The following DAPL1 variants were observed in gnomAD, a reference collection of about 807,000 sequenced individuals.
The protein encoded by DAPL1 is death-associated protein-like 1.
Under a neutral mutation model 12.9 loss-of-function variants are expected in DAPL1, and 17 were observed. The observed-to-expected ratio is 1.32, with a 90% CI of 0.90 to 1.98. The LOEUF (loss-of-function observed/expected upper bound fraction) is 1.98, where lower values mean the gene tolerates loss of function less well. DAPL1 is among the 30% of genes most tolerant of loss of function. The pLI is 0.00. For synonymous variants in DAPL1, 51 were observed against 42.0 expected, an observed-to-expected ratio of 1.21 and a Z score of -0.82; for missense variants, 157 against 125.7, an observed-to-expected ratio of 1.25 and a Z score of -1.19.
intron 1 of DAPL1, among the ~76,000 whole-genome samples, chr2:158,796,188 C>A (rs1403411632): frequency 6.6e-6 from 1 of 152,188 alleles, no homozygotes; most frequent in Non-Finnish European, 1.5e-5. Context: ...ATTCTTCCAA[C>A]TGCCTTCCTT....
intron 1 of DAPL1, among the ~76,000 whole-genome samples, chr2:158,800,412 G>A (rs2059160935): frequency 6.6e-6 from 1 of 152,018 alleles, no homozygotes; most frequent in African/African-American, 2.4e-5. Flanking sequence ...CTCACCTCTG[G>A]AACCACATAA....
intron 3 of DAPL1, among the ~76,000 whole-genome samples, chr2:158,814,208 G>A (rs1445868257): frequency 1.3e-5 from 2 of 152,046 alleles, no homozygotes; most frequent in African/African-American, 2.4e-5. Flanking sequence ...AATGTTGAAA[G>A]AAAACCAAAG....
At chr2:158,813,167 G>A (rs989137821) in intron 3 of DAPL1, among the ~76,000 whole-genome samples, 1 of 152,170 alleles carries the variant, frequency 6.6e-6, no homozygotes, top group Non-Finnish European at 1.5e-5. Flanking sequence ...ACCTATGGGA[G>A]GTACCCAAAG....
chr2:158,797,454 A>C (rs2059140277), intron 1 of DAPL1, among the ~76,000 whole-genome samples: 1 of 152,162 alleles, frequency 6.6e-6, no homozygotes, highest in Admixed American at 6.5e-5. Flanking sequence ...AACAGAAAGA[A>C]ACTGCAATGG....
At chr2:158,797,282 A>T (rs2059139726) in intron 1 of DAPL1, among the ~76,000 whole-genome samples, 1 of 152,148 alleles carries the variant, frequency 6.6e-6, no homozygotes, top group Non-Finnish European at 1.5e-5. Context: ...AGTTTGTTGT[A>T]ATGATTAAAA....
At chr2:158,813,375 A>C (rs756777935) in intron 3 of DAPL1, among the ~76,000 whole-genome samples, 122 of 152,192 alleles carry the variant, frequency 8.0e-4, no homozygotes, top group Admixed American at 1.4e-3. Context: ...ACACACTTTA[A>C]AATGGTTAAA....
At chr2:158,803,661 T>G (rs913673222) in intron 1 of DAPL1, among the ~76,000 whole-genome samples, 1 of 152,244 alleles carries the variant, frequency 6.6e-6, no homozygotes, top group African/African-American at 2.4e-5. Context: ...ATTGATCACT[T>G]GAATGGCAGG....
chr2:158,810,833 T>C (rs1267630067), intron 3 of DAPL1, among the ~76,000 whole-genome samples: 1 of 152,218 alleles, frequency 6.6e-6, no homozygotes, highest in African/African-American at 2.4e-5. Context: ...AAAAGCTCTT[T>C]AGGCTAGAAA....
At chr2:158,815,117 A>C (rs2059253068) in intron 3 of DAPL1, among the ~76,000 whole-genome samples, 1 of 152,362 alleles carries the variant, frequency 6.6e-6, no homozygotes, top group African/African-American at 2.4e-5. Context: ...TCTGTGGAGA[A>C]GACTAATCAG....
At chr2:158,802,451 C>T (rs2059173387) in intron 1 of DAPL1, among the ~76,000 whole-genome samples, 1 of 152,164 alleles carries the variant, frequency 6.6e-6, no homozygotes, top group Non-Finnish European at 1.5e-5. Flanking sequence ...CTTGGTAATG[C>T]CTGCAAGAAC....
At chr2:158,804,484 G>C (rs1249282778) in intron 2 of DAPL1, 115 bp downstream of exon 2, 16 of 689,582 alleles carry the variant, frequency 2.3e-5, no homozygotes, top group South Asian at 4.3e-5. Flanking sequence ...GCCAGAGAAG[G>C]GGGCAGGAGG....
At chr2:158,812,794 C>CAAA (rs148850724) in intron 3 of DAPL1, among the ~76,000 whole-genome samples, 3 of 124,444 alleles carry the variant, frequency 2.4e-5, no homozygotes, top group Non-Finnish European at 1.6e-5. Flanking sequence ...AACCTCAGCT[C>CAAA]AAAAAAAAAA....
chr2:158,799,266 C>G (rs1276352322), intron 1 of DAPL1, among the ~76,000 whole-genome samples: 1 of 152,142 alleles, frequency 6.6e-6, no homozygotes, highest in Non-Finnish European at 1.5e-5. Context: ...TACTCAACAT[C>G]CTGTTAAAAT....
At chr2:158,809,538 C>A (rs1413615654) in intron 3 of DAPL1, among the ~76,000 whole-genome samples, 1 of 152,252 alleles carries the variant, frequency 6.6e-6, no homozygotes, top group East Asian at 1.9e-4. Context: ...GTGTCTCTTA[C>A]TAGCTTTTTG....
chr2:158,801,715 G>A lies in DAPL1; in HGVS notation c.59-2567G>A, dbSNP rs903129003. ...GAGTTTATTCCATGAATGCAGGAAT[G>A]GTTGAATAGTAAAACAACAGATCTT... On this transcript the variant is annotated intron_variant, in intron 1 of 3. Transcript: ENST00000309950. Among the ~76,000 whole-genome samples the A allele has an allele frequency of 1.2e-4, 18 of 152,172 alleles. No homozygotes were observed. The East Asian group carries it at 3.5e-3, about 29-fold the overall frequency.
At chr2:158,811,406 A>G (rs1038076077) in intron 3 of DAPL1, among the ~76,000 whole-genome samples, 2 of 152,204 alleles carry the variant, frequency 1.3e-5, no homozygotes, top group Admixed American at 1.3e-4. Flanking sequence ...CACCCTGGAA[A>G]GATGAATGAA....
intron 2 of DAPL1, among the ~76,000 whole-genome samples, chr2:158,806,541 T>TAA (rs70994228): frequency 2.7e-5 from 4 of 148,804 alleles, no homozygotes; most frequent in Admixed American, 1.3e-4. Context: ...AATAAAAAGG[T>TAA]AAAAAAAAAA....
chr2:158,803,935 A>C (rs993865203), intron 1 of DAPL1, among the ~76,000 whole-genome samples: 2 of 152,148 alleles, frequency 1.3e-5, no homozygotes, highest in Non-Finnish European at 2.9e-5. Flanking sequence ...GTCGGTTGCT[A>C]TTGTGGGGAA....
chr2:158,798,584 G>A (rs1029981627), intron 1 of DAPL1, among the ~76,000 whole-genome samples: 125 of 152,246 alleles, frequency 8.2e-4, no homozygotes, highest in African/African-American at 2.9e-3. Context: ...GATGTTTCAC[G>A]GAAGAGTGAA....
Sources: gnomAD v4.1 joint callset for allele counts (sites outside exome capture counted in the v4.1 genomes callset) on GRCh38, gnomAD v4.1.1 for gene constraint, MANE v1.5 for transcripts, NCBI Gene and HGNC (gene_info 2026-07-23, HGNC 2026-07-21) for gene names.